Variants in NCOR2 observed in about 807,000 individuals in gnomAD.
NCOR2 encodes the protein CTG repeat protein 26.
In NCOR2, 81 loss-of-function variants were observed where a neutral mutation model predicts 262.9. That is an observed-to-expected ratio of 0.31 (90% CI 0.26 to 0.37). The LOEUF (loss-of-function observed/expected upper bound fraction) is 0.37, where lower values mean the gene tolerates loss of function less well. Ranked by LOEUF, NCOR2 falls within the 10% of genes least tolerant of loss-of-function variation. NCOR2 has a pLI of 1.00. For synonymous variants in NCOR2, 1,659 were observed against 1,559.3 expected, an observed-to-expected ratio of 1.06 and a Z score of -1.51; for missense variants, 3,385 against 3,621.4, an observed-to-expected ratio of 0.93 and a Z score of 1.68.
intron 16 of NCOR2, among the ~76,000 whole-genome samples, chr12:124,392,519 C>G (rs2041380678): frequency 6.6e-6 from 1 of 152,134 alleles, no homozygotes; most frequent in South Asian, 2.1e-4. Context: ...AGTGTCGCCT[C>G]CTGCTGGGCC....
At chr12:124,554,134 A>C (rs1472534570) in intron 1 of NCOR2, among the ~76,000 whole-genome samples, 1 of 152,224 alleles carries the variant, frequency 6.6e-6, no homozygotes, top group Non-Finnish European at 1.5e-5. Flanking sequence ...AACCCTCCTG[A>C]TGCTTAAAGA....
chr12:124,326,259 G>C, exon 46 of NCOR2: 1 of 1,560,222 alleles, frequency 6.4e-7, no homozygotes, highest in Non-Finnish European at 8.7e-7. Context: ...GTCTCCCTCC[G>C]AGTGCACTGA....
At chr12:124,519,089 T>TACACACACATACACACAC (rs1555236048) in intron 1 of NCOR2, among the ~76,000 whole-genome samples, 1 of 97,268 alleles carries the variant, frequency 1.0e-5, no homozygotes, top group East Asian at 3.3e-4. Context: ...GGCCAAATAA[T>TACACACACATACACACAC]ACACACACAC....
At chr12:124,386,370 C>T (rs532889069) in intron 16 of NCOR2, among the ~76,000 whole-genome samples, 2 of 151,824 alleles carry the variant, frequency 1.3e-5, no homozygotes, top group South Asian at 2.1e-4. Context: ...ACCGGCCCAG[C>T]GAAAGGAAGG....
Position 124,378,386 on chromosome 12 carries a change from T to G in NCOR2, c.2020-2A>C. 6.2e-7 allele frequency: 1 copy of G among 1,610,208 alleles called. No homozygotes were observed. Among genetic ancestry groups the G allele is most frequent in the Non-Finnish European group, 8.5e-7 (1 of 1,178,864 alleles). On this transcript the variant is annotated splice_acceptor_variant, in intron 17 of 46. Coordinates refer to ENST00000405201, the Ensembl canonical transcript of NCOR2. LOFTEE classifies it high-confidence loss of function. The surrounding 1 kb of genome is among the most constrained non-coding windows in gnomAD (Gnocchi z 4.2). ...CCTCCGCGCGTTCCTCTCCTTCTCC[T>G]GGGGCACAGGGAAGCAGCAGATCAG...
chr12:124,457,340 C>G lies in NCOR2; in HGVS notation c.706-178G>C, dbSNP rs1330995101. Among the ~76,000 whole-genome samples, 2 of 151,724 alleles carry G rather than the reference C, an allele frequency of 1.3e-5. No individual in the cohort carries two copies. The highest frequency in any genetic ancestry group is 4.8e-5 in the African/African-American group (2 of 41,296). Reference sequence around the variant, plus strand: ...GCCCTCCCCACGCTGGAAAAAAACACAGAGGAGCCTCAATACCCCCACAGC... The same window carrying G: ...GCCCTCCCCACGCTGGAAAAAAACAGAGAGGAGCCTCAATACCCCCACAGC... On this transcript the variant is annotated intron_variant, in intron 5 of 46. Transcript: ENST00000405201. This position sits in a 1 kb window ranked among gnomAD's most constrained non-coding sequence, Gnocchi z 4.0.
At chr12:124,439,395 A>G (rs1337266608) in intron 7 of NCOR2, among the ~76,000 whole-genome samples, 11 of 114,774 alleles carry the variant, frequency 9.6e-5, no homozygotes, top group Middle Eastern at 5.4e-3. Flanking sequence ...AGACCCAGAG[A>G]CAGAGGGAGA....
intron 13 of NCOR2, among the ~76,000 whole-genome samples, chr12:124,414,378 G>A (rs1322929772): frequency 1.3e-5 from 2 of 152,162 alleles, no homozygotes; most frequent in Non-Finnish European, 2.9e-5. Flanking sequence ...ACTGTTGGCC[G>A]GCACCATCAC....
chr12:124,451,120 G>A (rs1249805867), intron 6 of NCOR2, among the ~76,000 whole-genome samples: 1 of 152,266 alleles, frequency 6.6e-6, no homozygotes, highest in Non-Finnish European at 1.5e-5. Context: ...TCGCATTTCT[G>A]CTGTTTCTGT....
At chr12:124,420,100 C>A in intron 12 of NCOR2, 45 bp from the exon 15 acceptor site, 1 of 1,528,116 alleles carries the variant, frequency 6.5e-7, no homozygotes, top group Non-Finnish European at 9.0e-7. Flanking sequence ...ACAGCACAGG[C>A]ATTCAGGGCA....
At chr12:124,339,219 A>ACCACCCCCCC (rs1566363037) in intron 37 of NCOR2, among the ~76,000 whole-genome samples, 1 of 63,316 alleles carries the variant, frequency 1.6e-5, no homozygotes, top group Non-Finnish European at 2.9e-5. Flanking sequence ...TCTACCTACC[A>ACCACCCCCCC]CCCACCCACC....
At chr12:124,342,934 A>G in intron 33 of NCOR2, 71 bp downstream of exon 35, 1 of 1,531,882 alleles carries the variant, frequency 6.5e-7, no homozygotes. Context: ...GGAGTCCCTG[A>G]GCGAACACTG....
At chr12:124,514,972 C>A (rs2049632983) in intron 1 of NCOR2, among the ~76,000 whole-genome samples, 1 of 152,120 alleles carries the variant, frequency 6.6e-6, no homozygotes, top group African/African-American at 2.4e-5. Flanking sequence ...TAAGCTACGA[C>A]CCATGCCCAC....
intron 7 of NCOR2, among the ~76,000 whole-genome samples, chr12:124,438,649 C>T (rs528207578): frequency 1.3e-5 from 2 of 149,610 alleles, no homozygotes; most frequent in Admixed American, 6.8e-5. Flanking sequence ...GAAGGAGGCA[C>T]GTCCTGGGAG....
chr12:124,510,782 C>T (rs555258707), intron 1 of NCOR2, among the ~76,000 whole-genome samples: 27 of 152,148 alleles, frequency 1.8e-4, no homozygotes, highest in South Asian at 8.3e-4. Context: ...TGGGCCGCCG[C>T]GGACAGGCTG....
At chr12:124,334,213 C>A (rs1220111142) in intron 41 of NCOR2, 1 of 492,704 alleles carries the variant, frequency 2.0e-6, no homozygotes, top group Non-Finnish European at 3.6e-6. Flanking sequence ...TGCCTGGAAC[C>A]CACTGAGCAC....
In NCOR2 at chr12:124,453,172, G is replaced by A. The variant is rs868702977; in HGVS notation, c.763-3305C>T. On this transcript the variant is annotated intron_variant, in intron 6 of 46. Transcript: ENST00000405201. ...ACATCCCCCTCATCCTCTGCAGAGA[G>A]GGCTGCACAAAGGCCTGGCGGCTCC... 9.2e-5 allele frequency among the ~76,000 whole-genome samples: 14 copies of A among 152,170 alleles called. No individual in the cohort carries two copies. The South Asian group carries it at 1.0e-3, about 11-fold the overall frequency.
In NCOR2 at chr12:124,346,803, C is replaced by A; in HGVS notation, c.4120G>T (p.Glu1374Ter). The change falls in exon 31 of 47, where the codon GAG becomes TAG. Residue 1374 changes from glutamate to a stop codon, truncating the protein, a stop_gained. Transcript: ENST00000405201. LOFTEE classifies it high-confidence loss of function. ...CCCTCCCGCTTTAGGAGCTTGGCCTCCCGACGCAGGTAGTCCTCCTGTGCC... is the reference window on the plus strand; with the variant it reads ...CCCTCCCGCTTTAGGAGCTTGGCCTACCGACGCAGGTAGTCCTCCTGTGCC... 1 of 1,572,608 alleles carries A rather than the reference C, an allele frequency of 6.4e-7. No individual in the cohort carries two copies. The highest frequency in any genetic ancestry group is 2.3e-5 in the East Asian group (1 of 42,686).
chr12:124,418,105 A>G (rs879041230), intron 13 of NCOR2, among the ~76,000 whole-genome samples: 1 of 151,974 alleles, frequency 6.6e-6, no homozygotes, highest in South Asian at 2.1e-4. Context: ...AATAAAACAT[A>G]GCTACGTCTT....
Sources: gnomAD v4.1 joint callset for allele counts (sites outside exome capture counted in the v4.1 genomes callset) on GRCh38, gnomAD v4.1.1 for gene constraint, Gnocchi (gnomAD v3.1) non-coding constraint, MANE v1.5 for transcripts, NCBI Gene and HGNC (gene_info 2026-07-23, HGNC 2026-07-21) for gene names.